Variants in FGF14 observed in about 807,000 individuals in gnomAD.
The protein encoded by FGF14 is fibroblast growth factor 14.
In FGF14, 5 loss-of-function variants were observed where a neutral mutation model predicts 25.5. The observed-to-expected ratio is 0.20, with a 90% CI of 0.10 to 0.41. The LOEUF (loss-of-function observed/expected upper bound fraction) is 0.41, where lower values mean the gene tolerates loss of function less well. Ranked by LOEUF, FGF14 falls within the 10% of genes least tolerant of loss-of-function variation. FGF14 has a pLI of 1.00. For synonymous variants in FGF14, 138 were observed against 118.3 expected (o/e 1.17, Z -1.08); for missense variants, 222 against 320.1 (o/e 0.69, Z 2.34).
intron 1 of FGF14, among the ~76,000 whole-genome samples, chr13:102,179,022 G>A (rs640904): frequency 0.31 from 47,365 of 151,846 alleles, 9,106 homozygotes; most frequent in African/African-American, 0.56. Flanking sequence ...AGTAAAAAGA[G>A]AAATGAAGGA....
chr13:101,783,861 G>A (rs1003695353), intron 3 of FGF14, among the ~76,000 whole-genome samples: 3 of 152,148 alleles, frequency 2.0e-5, no homozygotes, highest in Non-Finnish European at 2.9e-5. Context: ...TGTATATGGT[G>A]CAAGAAAAGG....
chr13:102,299,943 G>A (rs1033146056), intron 1 of FGF14: 1 of 152,076 alleles, frequency 6.6e-6, no homozygotes, highest in African/African-American at 2.4e-5. Context: ...TTAAAAGTTC[G>A]CTGATCTTAT....
chr13:102,216,341 C>T (rs2050369230), intron 1 of FGF14, among the ~76,000 whole-genome samples: 2 of 152,218 alleles, frequency 1.3e-5, no homozygotes, highest in South Asian at 4.1e-4. Context: ...TCTCCCCAAA[C>T]TCCATTTCCT....
At chr13:101,791,349 T>C (rs997872296) in intron 3 of FGF14, among the ~76,000 whole-genome samples, 1 of 152,126 alleles carries the variant, frequency 6.6e-6, no homozygotes, top group African/African-American at 2.4e-5. Context: ...CTGACAATTT[T>C]ATTCTCCCAT....
rs115600903 is a variant in FGF14 at position 102,302,973 on chromosome 13, T to A, written c.208+98498A>T. Among the ~76,000 whole-genome samples, 388 of 152,194 alleles carry A rather than the reference T, an allele frequency of 2.5e-3. 3 individuals carry two copies. Among genetic ancestry groups the A allele is most frequent in the African/African-American group, 9.0e-3 (374 of 41,534 alleles). ...TCAGTGTTTTCCTGTCCCCTAGGAG[T>A]TAAAGGCAAACCCCTCACTATGTCC... is the stretch of plus-strand genomic sequence containing the variant. On this transcript the variant is annotated intron_variant, in intron 1 of 4. Transcript: ENST00000376131.
At chr13:101,939,356 G>A (rs933768116) in intron 1 of FGF14, among the ~76,000 whole-genome samples, 4 of 152,122 alleles carry the variant, frequency 2.6e-5, no homozygotes, top group Non-Finnish European at 4.4e-5. Flanking sequence ...TCGTTTTAAT[G>A]ATTAGAAATA....
intron 1 of FGF14, among the ~76,000 whole-genome samples, chr13:102,128,610 T>C (rs1004223492): frequency 2.6e-5 from 4 of 152,192 alleles, no homozygotes; most frequent in Non-Finnish European, 4.4e-5. Flanking sequence ...ACACATGTTA[T>C]CACTCTAGAG....
intron 3 of FGF14, among the ~76,000 whole-genome samples, chr13:101,777,426 A>G (rs1369287651): frequency 1.3e-5 from 2 of 152,108 alleles, no homozygotes; most frequent in East Asian, 3.9e-4. Flanking sequence ...AATTTGCAAA[A>G]TTCAGAAGCT....
At chr13:102,238,063 G>A (rs1038063513) in intron 1 of FGF14, among the ~76,000 whole-genome samples, 2 of 152,002 alleles carry the variant, frequency 1.3e-5, no homozygotes, top group African/African-American at 2.4e-5. Context: ...CATGGGCAAC[G>A]TTTTCTTTAT....
At chr13:101,974,166 C>T (rs981222495) in intron 1 of FGF14, among the ~76,000 whole-genome samples, 1 of 152,190 alleles carries the variant, frequency 6.6e-6, no homozygotes, top group Non-Finnish European at 1.5e-5. Context: ...AGAAATAAGT[C>T]AGTCCTTGTA....
intron 1 of FGF14, among the ~76,000 whole-genome samples, chr13:102,012,941 A>C (rs779349471): frequency 3.5e-4 from 53 of 152,300 alleles, no homozygotes; most frequent in Admixed American, 7.9e-4. Context: ...AAGCCGGGGT[A>C]TTCATGACTG....
At chr13:101,929,687 C>T (rs2034619403) in intron 1 of FGF14, among the ~76,000 whole-genome samples, 1 of 152,078 alleles carries the variant, frequency 6.6e-6, no homozygotes, top group Non-Finnish European at 1.5e-5. Flanking sequence ...TAAAAATGTA[C>T]ACATTATATG....
chr13:101,943,893 TGGGGA>T (rs2035629605), intron 1 of FGF14, among the ~76,000 whole-genome samples: 1 of 144,350 alleles, frequency 6.9e-6, no homozygotes, highest in South Asian at 2.2e-4. Context: ...TCCCAGGTAC[TGGGGA>T]GGCTGAGGCA....
intron 1 of FGF14, among the ~76,000 whole-genome samples, chr13:102,023,041 C>CGG (rs1487776459): frequency 3.4e-5 from 3 of 88,074 alleles, no homozygotes; most frequent in African/African-American, 1.4e-4. Flanking sequence ...AAAATATTTT[C>CGG]GGACACACAC....
chr13:102,062,408 T>C (rs1227840988), intron 1 of FGF14, among the ~76,000 whole-genome samples: 2 of 151,968 alleles, frequency 1.3e-5, no homozygotes, highest in East Asian at 3.9e-4. Flanking sequence ...TTAATAAATA[T>C]AGCAGCAAAA....
chr13:102,078,306 C>A (rs781191788), intron 1 of FGF14, among the ~76,000 whole-genome samples: 1 of 152,058 alleles, frequency 6.6e-6, no homozygotes, highest in Non-Finnish European at 1.5e-5. Context: ...TATAAGTACA[C>A]GAGGTGATGC....
intron 1 of FGF14, among the ~76,000 whole-genome samples, chr13:101,938,312 C>T (rs1594775560): frequency 6.6e-6 from 1 of 152,220 alleles, no homozygotes; most frequent in Non-Finnish European, 1.5e-5. Context: ...ATAGAGAGGG[C>T]TGTCTGTCAT....
At chr13:102,078,371 G>A (rs1407156491) in intron 1 of FGF14, among the ~76,000 whole-genome samples, 1 of 152,006 alleles carries the variant, frequency 6.6e-6, no homozygotes, top group Admixed American at 6.6e-5. Context: ...TTTCAAAACA[G>A]CGTGATGTAC....
chr13:101,950,381 G>A (rs1043082618), intron 1 of FGF14, among the ~76,000 whole-genome samples: 1 of 152,132 alleles, frequency 6.6e-6, no homozygotes, highest in Non-Finnish European at 1.5e-5. Context: ...GGACCTCCAT[G>A]GACAGCTATA....
Sources: gnomAD v4.1 joint callset for allele counts (sites outside exome capture counted in the v4.1 genomes callset) on GRCh38, gnomAD v4.1.1 for gene constraint, MANE v1.5 for transcripts, NCBI Gene and HGNC (gene_info 2026-07-23, HGNC 2026-07-21) for gene names.